The following AGFG2 variants were observed in gnomAD, a reference collection of about 807,000 sequenced individuals.
AGFG2 encodes arf-GAP domain and FG repeat-containing protein 2.
A neutral mutation model predicts 48.0 loss-of-function variants in AGFG2; 31 were observed. That is an observed-to-expected ratio of 0.65 (90% CI 0.49 to 0.87). The LOEUF is 0.87. AGFG2 is among the 40% of genes least tolerant of loss of function. The pLI is 0.00. For missense variants in AGFG2, 599 were observed against 632.6 expected, an observed-to-expected ratio of 0.95 and a Z score of 0.57; for synonymous variants, 229 against 260.8, an observed-to-expected ratio of 0.88 and a Z score of 1.18.
rs1801012941 is a variant in AGFG2, at chr7:100,566,636, A to G, written c.*1645A>G. 6.6e-6 allele frequency: 1 copy of G among 152,080 alleles called. No homozygotes were observed. Among genetic ancestry groups the G allele is most frequent in the Non-Finnish European group, 1.5e-5 (1 of 68,040 alleles). 9.4% of individuals were successfully genotyped at this position (152,080 alleles called of 1,614,324 possible). On this transcript the variant is annotated 3_prime_UTR_variant, in exon 12 of 12. Transcript: ENST00000300176. The stretch of plus-strand genomic sequence containing the variant: ...CTGGAAATAACCTCTAGCTGCTGCT[A>G]TTTGCAAGGCTGGGATTGGCCTCCC...
chr7:100,555,553 G>A lies in AGFG2; in HGVS notation c.752-57G>A, dbSNP rs554303346. ...CTCCCAAAGTGCTGGAATTACAGGC[G>A]TGAGCTACCACACCCGACAATTTTC... On this transcript the variant is annotated intron_variant, in intron 5 of 11. Coordinates refer to ENST00000300176, the MANE Select transcript of AGFG2 (RefSeq NM_006076.5). 1.8e-4 allele frequency: 284 copies of A among 1,574,812 alleles called. 2 individuals carry two copies. The East Asian group carries it at 4.6e-3, about 25-fold the overall frequency.
At chr7:100,545,906 GA>G (rs1343849257) in intron 1 of AGFG2, among the ~76,000 whole-genome samples, 1 of 152,116 alleles carries the variant, frequency 6.6e-6, no homozygotes, top group East Asian at 1.9e-4. Flanking sequence ...CTGTGATTCA[GA>G]AAGAAAAACT....
At chr7:100,555,792 C>CTA in intron 6 of AGFG2, 57 bp downstream of exon 6, 2 of 1,599,000 alleles carry the variant, frequency 1.3e-6, no homozygotes, top group Non-Finnish European at 1.7e-6. Flanking sequence ...TTGTTCATGT[C>CTA]TATAAATCAC....
In AGFG2 at chr7:100,554,264, T is replaced by C; in HGVS notation, c.751+6T>C. 1.2e-6 allele frequency: 2 copies of C among 1,609,878 alleles called. No homozygotes were observed. Among genetic ancestry groups the C allele is most frequent in the Non-Finnish European group, 1.7e-6 (2 of 1,177,764 alleles). ...TGCATTCCCTGCCTTTGGGGGTAAG[T>C]GGGTTTTGGGATGGGACCCTCCCTA... On this transcript the variant is annotated splice_donor_region_variant and intron_variant, in intron 5 of 11. Coordinates refer to ENST00000300176, the MANE Select transcript of AGFG2 (RefSeq NM_006076.5).
intron 6 of AGFG2, among the ~76,000 whole-genome samples, chr7:100,561,046 C>T (rs1043973522): frequency 6.7e-6 from 1 of 148,294 alleles, no homozygotes; most frequent in African/African-American, 2.5e-5. Context: ...GTCTTGATCT[C>T]CTGACCTCGT....
Position 100,562,642 on chromosome 7 carries a change from GGGCGGC to G in AGFG2, c.1057_1062del (p.Gly353_Gly354del). 2 of 1,609,948 alleles carry G rather than the reference GGGCGGC, an allele frequency of 1.2e-6. No individual in the cohort carries two copies. Among genetic ancestry groups the G allele is most frequent in the Non-Finnish European group, 1.7e-6 (2 of 1,179,106 alleles). On this transcript the variant is annotated inframe_deletion, in exon 8 of 12. Transcript: ENST00000300176. The surrounding 1 kb of genome is among the most constrained non-coding windows in gnomAD (Gnocchi z 5.4). ...TCCCCCCGCTCCAGTCTGTCACGAT[GGGCGGC>G]GGCGGCGGCAGCAGCACAGGGCTGG...
At chr7:100,545,967 C>A (rs781030892) in intron 1 of AGFG2, among the ~76,000 whole-genome samples, 4 of 152,128 alleles carry the variant, frequency 2.6e-5, no homozygotes, top group Non-Finnish European at 5.9e-5. Flanking sequence ...TGCAGTGTTG[C>A]CTTGTAGAGA....
At chr7:100,558,221 CA>C (rs1393269605) in intron 6 of AGFG2, among the ~76,000 whole-genome samples, 1 of 151,864 alleles carries the variant, frequency 6.6e-6, no homozygotes, top group Non-Finnish European at 1.5e-5. Flanking sequence ...TCTCGAAAAA[CA>C]AAAAAACAAA....
In AGFG2 at chr7:100,555,607, C is replaced by T; in HGVS notation, c.752-3C>T. 6.2e-7 allele frequency: 1 copy of T among 1,612,972 alleles called. No homozygotes were observed. The highest frequency in any genetic ancestry group is 8.5e-7 in the Non-Finnish European group (1 of 1,179,202). On this transcript the variant is annotated splice_region_variant and splice_polypyrimidine_tract_variant and intron_variant, in intron 5 of 11. Coordinates refer to ENST00000300176, the MANE Select transcript of AGFG2 (RefSeq NM_006076.5). ...ATAACCTTTATGTTTCTTCCACCTA[C>T]AGGCCAGACACCTTCCCAAGGAGGC...
At chr7:100,556,190 C>T (rs1200004902) in intron 6 of AGFG2, 1 of 203,206 alleles carries the variant, frequency 4.9e-6, no homozygotes, top group South Asian at 8.3e-5. Flanking sequence ...TGGCTCACGC[C>T]TGCAATCCTA....
chr7:100,552,010 G>A lies in AGFG2; in HGVS notation c.432-1337G>A, dbSNP rs144999886. ...TGTAATCCCAGCACTTTGGGAGACC[G>A]AGGCGGGTGGATCACAGGGTCAGGA... is the stretch of plus-strand genomic sequence containing the variant. On this transcript the variant is annotated intron_variant, in intron 3 of 11. Transcript: ENST00000300176. Among the ~76,000 whole-genome samples the A allele has an allele frequency of 2.9e-3, 441 of 151,450 alleles. 3 individuals are homozygous for A. The highest frequency in any genetic ancestry group is 0.01 in the African/African-American group (422 of 41,274).
At chr7:100,548,335 GA>G (rs1258864672) in intron 1 of AGFG2, among the ~76,000 whole-genome samples, 6 of 151,898 alleles carry the variant, frequency 4.0e-5, no homozygotes, top group Admixed American at 3.3e-4. Flanking sequence ...TGGGAGTGGG[GA>G]CAGAGTCTTG....
At chr7:100,559,212 A>G (rs923676820) in intron 6 of AGFG2, among the ~76,000 whole-genome samples, 2 of 152,168 alleles carry the variant, frequency 1.3e-5, no homozygotes, top group African/African-American at 2.4e-5. Flanking sequence ...GGGTGCCTTC[A>G]TGCATTATGT....
At chr7:100,543,434 C>G (rs1197935206) in intron 1 of AGFG2, among the ~76,000 whole-genome samples, 5 of 152,168 alleles carry the variant, frequency 3.3e-5, no homozygotes, top group Non-Finnish European at 7.4e-5. Context: ...CACATTAGCA[C>G]CGTAGCCACA....
intron 1 of AGFG2, among the ~76,000 whole-genome samples, chr7:100,547,215 A>T (rs1584381556): frequency 8.5e-6 from 1 of 117,182 alleles, no homozygotes; most frequent in African/African-American, 3.4e-5. Context: ...CTGTTCTCCC[A>T]GACTTGGCAG....
In AGFG2 at chr7:100,549,741, G is replaced by A. The variant is rs556962440; in HGVS notation, c.316-655G>A. ...TCTTGCTTGCTCTGTCACCCAGGCT[G>A]GAGCTTAATGGTGCAATCTTGGCTC... On this transcript the variant is annotated intron_variant, in intron 2 of 11. Transcript: ENST00000300176. Among the ~76,000 whole-genome samples, 100 of 152,144 alleles carry A rather than the reference G, an allele frequency of 6.6e-4. 1 individual carries two copies. Among genetic ancestry groups the A allele is most frequent in the African/African-American group, 2.0e-3 (81 of 41,512 alleles).
At position 100,566,917 on chromosome 7, in the gene AGFG2, C is replaced by T. The variant is rs534062436; in HGVS notation, c.*1926C>T. The stretch of plus-strand genomic sequence containing the variant: ...TGTTATGGTGTATTAGGGGGAGGAG[C>T]CTTTCTGTTATTTCCCCCCAGCTTC... On this transcript the variant is annotated 3_prime_UTR_variant, in exon 12 of 12. Coordinates refer to ENST00000300176, the MANE Select transcript of AGFG2 (RefSeq NM_006076.5). 2.0e-5 allele frequency: 3 copies of T among 152,356 alleles called. No individual in the cohort carries two copies. The highest frequency in any genetic ancestry group is 7.2e-5 in the African/African-American group (3 of 41,558). 9.4% of individuals were successfully genotyped at this position (152,356 alleles called of 1,614,324 possible). A position where few individuals can be genotyped will look rare whatever the true frequency, so the allele number is the denominator to read the frequency against.
At chr7:100,548,630 A>G (rs564620715) in intron 1 of AGFG2, among the ~76,000 whole-genome samples, 192 bp from the exon 2 acceptor site, 6 of 152,050 alleles carry the variant, frequency 3.9e-5, no homozygotes, top group Admixed American at 6.5e-5. Flanking sequence ...GGAGACTTCT[A>G]ATATCTCCAA....
Position 100,553,383 on chromosome 7 carries a change from T to C in AGFG2, c.468T>C (p.Tyr156=), listed in dbSNP as rs562256696. The change falls in exon 4 of 12, where the codon TAT becomes TAC. Residue 156 remains tyrosine (Y), a synonymous_variant. Transcript: ENST00000300176. ...CAGACCAAGTCAAGGGGCCCACTTA[T>C]ACCAAAGGCAGTGCCTCCACCCCTG... is the stretch of plus-strand genomic sequence containing the variant. ...VPPDQVKGPT[Y]TKGSASTPVQ... The C allele has an allele frequency of 1.9e-6, 3 of 1,614,226 alleles. No homozygotes were observed. The highest frequency in any genetic ancestry group is 2.2e-5 in the South Asian group (2 of 91,088).
Sources: gnomAD v4.1 joint callset for allele counts (sites outside exome capture counted in the v4.1 genomes callset) on GRCh38, gnomAD v4.1.1 for gene constraint, Gnocchi (gnomAD v3.1) non-coding constraint, MANE v1.5 for transcripts, NCBI Gene and HGNC (gene_info 2026-07-23, HGNC 2026-07-21) for gene names.